The following PLXNA4 variants were observed in gnomAD, a reference collection of about 807,000 sequenced individuals.
PLXNA4 encodes plexin-A4.
PLXNA4 carries 44 observed loss-of-function variants against 191.8 expected under a neutral mutation model. That is an observed-to-expected ratio of 0.23 (90% confidence interval 0.18 to 0.29). The LOEUF (loss-of-function observed/expected upper bound fraction) is 0.29. Among genes scored for constraint, PLXNA4 ranks in the 10% least tolerant of loss-of-function variants. The probability of loss-of-function intolerance (pLI) is 1.00; values close to 1 mark genes in which losing one functional copy is unlikely to be tolerated. For missense variants in PLXNA4, 1,800 were observed against 2,488.8 expected (o/e 0.72, Z 5.89); for synonymous variants, 1,082 against 1,009.5 (o/e 1.07, Z -1.36).
At chr7:132,258,151 G>T (rs1160787039) in intron 4 of PLXNA4, among the ~76,000 whole-genome samples, 1 of 152,252 alleles carries the variant, frequency 6.6e-6, no homozygotes, top group Non-Finnish European at 1.5e-5. Flanking sequence ...GCAAAGCCTG[G>T]AGAGGGTCTC....
chr7:132,394,338 G>A (rs1793659106), intron 3 of PLXNA4, among the ~76,000 whole-genome samples: 1 of 152,142 alleles, frequency 6.6e-6, no homozygotes, highest in African/African-American at 2.4e-5. Flanking sequence ...AATGAGGGGA[G>A]CAGGTGAAGG....
intron 3 of PLXNA4, among the ~76,000 whole-genome samples, chr7:132,318,510 G>A (rs1802034284): frequency 1.3e-5 from 2 of 152,042 alleles, no homozygotes; most frequent in Non-Finnish European, 2.9e-5. Flanking sequence ...GCCAAGGGAT[G>A]CCTCAGCTGC....
rs1238829356 is a variant in PLXNA4 at position 132,585,565 on chromosome 7, G to A, written c.-87+60363C>T. Among the ~76,000 whole-genome samples, 4 of 152,170 alleles carry A rather than the reference G, an allele frequency of 2.6e-5. No homozygotes were observed. In the East Asian group the frequency reaches 7.7e-4, roughly 29 times the overall value. On this transcript the variant is annotated intron_variant, in intron 2 of 4. Transcript: ENST00000378539. The stretch of plus-strand genomic sequence containing the variant: ...GTGATTGATCACTAGGAGTAAGTCT[G>A]GAATCACTGTCTTAATCATTTGGGG...
intron 4 of PLXNA4, among the ~76,000 whole-genome samples, chr7:132,262,993 T>C (rs576032779): frequency 6.6e-6 from 1 of 152,162 alleles, no homozygotes; most frequent in East Asian, 1.9e-4. Flanking sequence ...ACTAGGGGGG[T>C]TGAAGTCTCA....
intron 3 of PLXNA4, among the ~76,000 whole-genome samples, chr7:132,420,768 C>T (rs1257256435): frequency 6.6e-6 from 1 of 152,148 alleles, no homozygotes; most frequent in Non-Finnish European, 1.5e-5. Flanking sequence ...GGGGGCAAGT[C>T]TTTCCTCTGC....
At chr7:132,413,683 G>A (rs1435029465) in intron 3 of PLXNA4, among the ~76,000 whole-genome samples, 3 of 152,184 alleles carry the variant, frequency 2.0e-5, no homozygotes, top group African/African-American at 4.8e-5. Flanking sequence ...CAAAATATTA[G>A]CAATGCCCTC....
intron 2 of PLXNA4, among the ~76,000 whole-genome samples, chr7:132,621,238 TTTTTTTTGTTTTTTTTTTTTGG>T (rs1803255483): frequency 1.6e-5 from 2 of 125,626 alleles, no homozygotes; most frequent in Non-Finnish European, 3.6e-5. Flanking sequence ...ATCTCTTGGT[TTTTTTTTGTTTTTTTTTTTTGG>T]TTTTTTTGTT....
At chr7:132,261,339 G>A (rs1016438658) in intron 4 of PLXNA4, among the ~76,000 whole-genome samples, 3 of 152,188 alleles carry the variant, frequency 2.0e-5, no homozygotes, top group South Asian at 2.1e-4. Flanking sequence ...CAACGGACAC[G>A]AACTCACTTT....
intron 22 of PLXNA4, among the ~76,000 whole-genome samples, chr7:132,167,129 G>A (rs972122484): frequency 6.6e-6 from 1 of 152,208 alleles, no homozygotes; most frequent in East Asian, 1.9e-4. Context: ...TCTAACTTCA[G>A]ATATGCCAAG....
At chr7:132,294,202 C>A (rs935882043) in intron 4 of PLXNA4, among the ~76,000 whole-genome samples, 15 of 152,156 alleles carry the variant, frequency 9.9e-5, no homozygotes, top group African/African-American at 3.6e-4. Flanking sequence ...ACCTGTGGTA[C>A]TCAGGGGACG....
intron 3 of PLXNA4, among the ~76,000 whole-genome samples, chr7:132,415,667 A>T (rs1298424538): frequency 6.6e-6 from 1 of 152,208 alleles, no homozygotes; most frequent in Non-Finnish European, 1.5e-5. Flanking sequence ...GCTAACCTTT[A>T]TCAACACAAA....
chr7:132,211,255 A>T, intron 9 of PLXNA4, 112 bp from the exon 10 acceptor site: 3 of 1,166,846 alleles, frequency 2.6e-6, no homozygotes, highest in Non-Finnish European at 3.6e-6. Flanking sequence ...GGACACACCC[A>T]CAGGCGACCC....
chr7:132,577,271 T>G (rs1309957732), upstream of PLXNA4: 2 of 151,630 alleles, frequency 1.3e-5, no homozygotes, highest in East Asian at 3.9e-4. Context: ...CCGCCGGAGC[T>G]CCCGGGCTGC....
intron 2 of PLXNA4, among the ~76,000 whole-genome samples, chr7:132,494,511 C>T (rs971519124): frequency 1.3e-5 from 2 of 152,108 alleles, no homozygotes; most frequent in African/African-American, 4.8e-5. Context: ...CATCCCGACT[C>T]GGGAGCAGGA....
At chr7:132,615,301 G>C (rs1303384477) in intron 2 of PLXNA4, among the ~76,000 whole-genome samples, 2 of 152,132 alleles carry the variant, frequency 1.3e-5, no homozygotes, top group African/African-American at 4.8e-5. Context: ...GTGGCAGAGG[G>C]AGCAGGGCCC....
At chr7:132,296,532 C>T (rs970564525) in intron 4 of PLXNA4, among the ~76,000 whole-genome samples, 9 of 151,868 alleles carry the variant, frequency 5.9e-5, no homozygotes, top group East Asian at 1.9e-4. Context: ...CTTGGCCTCC[C>T]GAGCAGCTGG....
chr7:132,215,518 T>C (rs934604502), intron 9 of PLXNA4, among the ~76,000 whole-genome samples: 3 of 152,226 alleles, frequency 2.0e-5, no homozygotes, highest in Non-Finnish European at 4.4e-5. Context: ...GCATCTTTTG[T>C]TATTCACAGC....
chr7:132,192,701 T>G (rs1797130977), intron 14 of PLXNA4, among the ~76,000 whole-genome samples: 1 of 152,144 alleles, frequency 6.6e-6, no homozygotes, highest in Non-Finnish European at 1.5e-5. Flanking sequence ...ATGAGGAAAT[T>G]ATACCATTAC....
chr7:132,203,510 G>C (rs954646526), intron 10 of PLXNA4, 91 bp from the exon 11 acceptor site: 8 of 1,127,778 alleles, frequency 7.1e-6, no homozygotes, highest in Non-Finnish European at 1.1e-5. Context: ...GCCGTTAAGA[G>C]CTCACAGGCT....
Sources: allele counts gnomAD v4.1 joint callset (sites outside exome capture counted in the v4.1 genomes callset), GRCh38; gene constraint gnomAD v4.1.1; transcripts MANE v1.5; gene names NCBI Gene and HGNC (gene_info 2026-07-23, HGNC 2026-07-21).